The following AFAP1 variants were observed in gnomAD, a reference collection of about 807,000 sequenced individuals.
AFAP1 encodes the protein actin filament associated protein 1.
AFAP1 carries 75 observed loss-of-function variants against 93.9 expected under a neutral mutation model. The ratio of observed to expected loss-of-function variants is 0.80; its 90% confidence interval spans 0.66 to 0.97. The LOEUF (loss-of-function observed/expected upper bound fraction) is 0.97, where lower values mean the gene tolerates loss of function less well. AFAP1 is among the 50% of genes least tolerant of loss of function. The pLI, the probability that AFAP1 is intolerant of heterozygous loss-of-function variation, is 0.00. For missense variants in AFAP1, 1,201 were observed against 1,050.8 expected, an observed-to-expected ratio of 1.14 and a Z score of -1.98; for synonymous variants, 517 against 430.7, an observed-to-expected ratio of 1.20 and a Z score of -2.48.
At chr4:7,902,396 T>G (rs1444323849) in intron 1 of AFAP1, among the ~76,000 whole-genome samples, 1 of 152,200 alleles carries the variant, frequency 6.6e-6, no homozygotes, top group Non-Finnish European at 1.5e-5. Context: ...TGGGTAATTA[T>G]CAGCCCACAA....
intron 1 of AFAP1, among the ~76,000 whole-genome samples, chr4:7,893,750 C>T (rs1718609995): frequency 6.6e-6 from 1 of 152,122 alleles, no homozygotes; most frequent in Non-Finnish European, 1.5e-5. Context: ...TGGGACGGGC[C>T]TGATATCTGC....
At chr4:7,770,627 T>C (rs1715300059) in intron 16 of AFAP1, among the ~76,000 whole-genome samples, 1 of 152,154 alleles carries the variant, frequency 6.6e-6, no homozygotes. Flanking sequence ...CCTTAAATGC[T>C]TGGAAAAAGC....
chr4:7,800,410 C>T (rs1320262609), intron 10 of AFAP1, 32 bp downstream of exon 10: 1 of 1,608,886 alleles, frequency 6.2e-7, no homozygotes, highest in Non-Finnish European at 8.5e-7. Flanking sequence ...GTGTGTCCCT[C>T]TGTGGAGTAC....
Position 7,763,715 on chromosome 4 carries a change from A to G in AFAP1, c.*50T>C. The G allele has an allele frequency of 6.5e-7, 1 of 1,550,384 alleles. No homozygotes were observed. Among genetic ancestry groups the G allele is most frequent in the Non-Finnish European group, 8.7e-7 (1 of 1,145,880 alleles). On this transcript the variant is annotated 3_prime_UTR_variant, in exon 18 of 18. Coordinates refer to ENST00000420658, the MANE Select transcript of AFAP1 (RefSeq NM_001134647.2). ...TTCCTGCCGTCACACAGATGAGGAT[A>G]CAGGCAAGGGGGTGTGCAGTCTCTG... is the stretch of plus-strand genomic sequence containing the variant.
intron 17 of AFAP1, among the ~76,000 whole-genome samples, chr4:7,766,603 A>T (rs1039420172): frequency 3.0e-5 from 4 of 133,824 alleles, no homozygotes; most frequent in African/African-American, 1.1e-4. Context: ...CACGGGAGGG[A>T]AACAGAATCT....
chr4:7,915,273 C>T (rs1460913814), intron 1 of AFAP1, among the ~76,000 whole-genome samples: 1 of 37,448 alleles, frequency 2.7e-5, no homozygotes, highest in Admixed American at 3.8e-4. Context: ...TGTCTTCTCA[C>T]TGTGGTTTTG....
intron 1 of AFAP1, among the ~76,000 whole-genome samples, chr4:7,929,316 A>T (rs953967810): frequency 1.3e-5 from 2 of 152,142 alleles, no homozygotes; most frequent in African/African-American, 4.8e-5. Flanking sequence ...GGCTGCCCCC[A>T]TCTGCCAAGC....
At chr4:7,862,409 G>T (rs533222780) in intron 3 of AFAP1, 1 of 99,078 alleles carries the variant, frequency 1.0e-5, no homozygotes, top group Non-Finnish European at 2.1e-5. Flanking sequence ...CGGGGGGGGG[G>T]GGGGGCGCCG....
chr4:7,826,539 AG>A (rs1721438515), intron 6 of AFAP1, among the ~76,000 whole-genome samples: 1 of 152,260 alleles, frequency 6.6e-6, no homozygotes, highest in East Asian at 1.9e-4. Context: ...GCTGGCCGGT[AG>A]GCCAAAAACA....
chr4:7,863,289 C>T (rs1322786717), intron 3 of AFAP1, among the ~76,000 whole-genome samples: 3 of 152,066 alleles, frequency 2.0e-5, no homozygotes, highest in Non-Finnish European at 4.4e-5. Flanking sequence ...CATGATGGTG[C>T]GTGCCTGTAG....
intron 3 of AFAP1, among the ~76,000 whole-genome samples, chr4:7,864,883 C>A (rs578030854): frequency 6.6e-6 from 1 of 152,038 alleles, no homozygotes; most frequent in Non-Finnish European, 1.5e-5. Flanking sequence ...GAGGCCTAGG[C>A]AGGAGGATTG....
intron 1 of AFAP1, among the ~76,000 whole-genome samples, chr4:7,877,407 T>C (rs946884692): frequency 6.6e-6 from 1 of 152,246 alleles, no homozygotes; most frequent in Non-Finnish European, 1.5e-5. Flanking sequence ...GTGTCAGCTT[T>C]TAGTCTGCTT....
chr4:7,816,662 C>T (rs536255053), intron 7 of AFAP1, among the ~76,000 whole-genome samples: 20 of 152,316 alleles, frequency 1.3e-4, no homozygotes, highest in South Asian at 2.1e-4. Flanking sequence ...TAGGATTCCA[C>T]GTCAGTATCT....
chr4:7,817,791 C>T (rs1720615401), intron 7 of AFAP1, among the ~76,000 whole-genome samples: 1 of 146,614 alleles, frequency 6.8e-6, no homozygotes, highest in Non-Finnish European at 1.5e-5. Flanking sequence ...GTATAAGAAA[C>T]TTTATGCATA....
chr4:7,813,801 G>T (rs189444829), intron 8 of AFAP1, among the ~76,000 whole-genome samples: 2 of 152,310 alleles, frequency 1.3e-5, no homozygotes, highest in East Asian at 3.9e-4. Flanking sequence ...CTCTGAGAGT[G>T]AACTCTGTAA....
chr4:7,885,369 G>T (rs71601892), intron 1 of AFAP1, among the ~76,000 whole-genome samples: 1 of 151,950 alleles, frequency 6.6e-6, no homozygotes, highest in African/African-American at 2.4e-5. Flanking sequence ...TCCCTGCGTC[G>T]TCCCACACAC....
intron 1 of AFAP1, among the ~76,000 whole-genome samples, chr4:7,898,139 G>T (rs1300373544): frequency 6.6e-6 from 1 of 152,138 alleles, no homozygotes; most frequent in East Asian, 1.9e-4. Context: ...ACCGGGGACA[G>T]TGGCTCACGC....
At position 7,768,964 on chromosome 4, in the gene AFAP1, G is replaced by A; in HGVS notation, c.2298C>T (p.Ser766=). The A allele has an allele frequency of 3.7e-6, 6 of 1,613,726 alleles. No individual in the cohort carries two copies. The highest frequency in any genetic ancestry group is 5.1e-6 in the Non-Finnish European group (6 of 1,179,724). The change falls in exon 17 of 18, where the codon TCC becomes TCT. Residue 766 remains serine (S), a synonymous_variant. Transcript: ENST00000420658. ...CCTCGGTGTCACTGGTGTCACAGCT[G>A]GAGATGGGCGAGTTTTCCAGGGTCC... ...RHRTLENSPI[S]SCDTSDTEGP...
intron 9 of AFAP1, among the ~76,000 whole-genome samples, chr4:7,808,443 T>C (rs1009309384): frequency 6.6e-6 from 1 of 152,164 alleles, no homozygotes; most frequent in Non-Finnish European, 1.5e-5. Flanking sequence ...TACTTATCTT[T>C]TGCTACCAGA....
Sources: gnomAD v4.1 joint callset for allele counts (sites outside exome capture counted in the v4.1 genomes callset) on GRCh38, gnomAD v4.1.1 for gene constraint, MANE v1.5 for transcripts, NCBI Gene and HGNC (gene_info 2026-07-23, HGNC 2026-07-21) for gene names.